Variants in INPP5K observed in about 807,000 individuals in gnomAD.
INPP5K encodes the protein inositol polyphosphate-5-phosphatase K, also known as inositol polyphosphate 5-phosphatase K.
A neutral mutation model predicts 53.5 loss-of-function variants in INPP5K; 35 were observed. That is an observed-to-expected ratio of 0.65 (90% confidence interval 0.50 to 0.87). The LOEUF (loss-of-function observed/expected upper bound fraction) is 0.87. Ranked by LOEUF, INPP5K falls within the 40% of genes least tolerant of loss-of-function variation. The pLI is 0.00. For synonymous variants in INPP5K, 253 were observed against 232.8 expected (o/e 1.09, Z -0.79); for missense variants, 550 against 586.2 (o/e 0.94, Z 0.64).
rs113429915 is a variant in INPP5K at position 1,507,798 on chromosome 17, G to A, written c.666+317C>T. On this transcript the variant is annotated intron_variant, in intron 6 of 11. Transcript: ENST00000421807. ...GACCTCAGGTGATCCACCCACCTCG[G>A]CCTCCCAGAGTGCTGGAATTACAGG... is the stretch of plus-strand genomic sequence containing the variant. 1,333 of 203,332 alleles carry A rather than the reference G, an allele frequency of 6.6e-3. 18 individuals are homozygous for A. The highest frequency in any genetic ancestry group is 0.029 in the African/African-American group (1,221 of 42,794). The allele number at this position is 203,332 out of a possible 1,614,324, so 12.6% of individuals were successfully genotyped here. A position where few individuals can be genotyped will look rare whatever the true frequency, so the allele number is the denominator to read the frequency against.
Position 1,497,068 on chromosome 17 carries a change from G to A in INPP5K, c.964-265C>T, listed in dbSNP as rs574536524. Among the ~76,000 whole-genome samples the A allele has an allele frequency of 1.6e-4, 25 of 152,348 alleles. No individual in the cohort carries two copies. In the East Asian group the frequency reaches 3.9e-3, roughly 23 times the overall value. On this transcript the variant is annotated intron_variant, in intron 8 of 11. Transcript: ENST00000421807. ...TAGGAATGGCGGAGAGCAGAGGCAC[G>A]GCTGAGAGGCTTAAGGAGGCGGCCA...
chr17:1,508,084 C>T (rs910842982), intron 6 of INPP5K, 31 bp downstream of exon 6: 28 of 1,479,610 alleles, frequency 1.9e-5, no homozygotes, highest in Non-Finnish European at 2.6e-5. Context: ...GGGCTCAGAT[C>T]ACCCCCTGGG....
Position 1,509,805 on chromosome 17 carries a change from G to A in INPP5K, c.262-6C>T, listed in dbSNP as rs2075264666. 6.4e-7 allele frequency: 1 copy of A among 1,569,354 alleles called. No individual in the cohort carries two copies. Among genetic ancestry groups the A allele is most frequent in the African/African-American group, 1.4e-5 (1 of 73,808 alleles). On this transcript the variant is annotated splice_region_variant and splice_polypyrimidine_tract_variant and intron_variant, in intron 3 of 11. Coordinates refer to ENST00000421807, the MANE Select transcript of INPP5K (RefSeq NM_016532.4). ...TGCATACGGACATGGGAGACCTGCA[G>A]GAGAGAGAGGGCAAAGGTCGCTCAT...
At chr17:1,507,914 G>C (rs2075201554) in intron 6 of INPP5K, among the ~76,000 whole-genome samples, 1 of 151,708 alleles carries the variant, frequency 6.6e-6, no homozygotes, top group Non-Finnish European at 1.5e-5. Flanking sequence ...GCACATCCAG[G>C]GTCTGTTACC....
At chr17:1,513,810 T>C in intron 2 of INPP5K, 62 bp downstream of exon 2, 1 of 1,307,730 alleles carries the variant, frequency 7.6e-7, no homozygotes, top group South Asian at 1.3e-5. Context: ...CAGGTCACAG[T>C]GCTTCCCACA....
rs141143176 is a variant in INPP5K, at chr17:1,513,501, C to T, written c.213G>A (p.Ser71=). ...SLLSDAAFND[S]WSSFLMDVLS... ...GCACATCCATGAGGAAACTGCTCCA[C>T]GAGTCATTAAAGGCAGCATCGGAAA... Residue 71 remains serine, a synonymous_variant, in exon 3 of 12, where the codon TCG becomes TCA. Transcript: ENST00000421807. 1.8e-3 allele frequency: 2,896 copies of T among 1,614,042 alleles called. 7 individuals carry two copies. Among genetic ancestry groups the T allele is most frequent in the Non-Finnish European group, 2.3e-3 (2,764 of 1,180,018 alleles).
intron 3 of INPP5K, among the ~76,000 whole-genome samples, chr17:1,512,756 C>T (rs1204584633): frequency 6.6e-6 from 1 of 152,130 alleles, no homozygotes; most frequent in Admixed American, 6.5e-5. Flanking sequence ...AAGTACCCAC[C>T]ACACCTGACT....
chr17:1,513,069 TAAC>T (rs774730667), intron 3 of INPP5K, among the ~76,000 whole-genome samples: 3 of 152,172 alleles, frequency 2.0e-5, no homozygotes, highest in African/African-American at 4.8e-5. Context: ...TTATGATGTG[TAAC>T]AACAAGTAAG....
intron 4 of INPP5K, 32 bp from the exon 5 acceptor site, chr17:1,509,385 G>A (rs751478397): frequency 1.3e-6 from 2 of 1,596,872 alleles, no homozygotes; most frequent in Admixed American, 3.4e-5. Flanking sequence ...AGAGTGGGAA[G>A]CTACTCGGGT....
chr17:1,502,158 G>C (rs993578378), intron 7 of INPP5K, among the ~76,000 whole-genome samples: 1 of 151,662 alleles, frequency 6.6e-6, no homozygotes, highest in East Asian at 1.9e-4. Flanking sequence ...GACCATCCTG[G>C]CTAACATGGT....
chr17:1,508,582 A>G, intron 5 of INPP5K: 2 of 309,386 alleles, frequency 6.5e-6, no homozygotes, highest in South Asian at 3.2e-5. Context: ...AGCAAGACAG[A>G]CGGGCTGGAG....
intron 7 of INPP5K, among the ~76,000 whole-genome samples, chr17:1,501,917 C>CA (rs2075025217): frequency 6.6e-6 from 1 of 151,614 alleles, no homozygotes; most frequent in Non-Finnish European, 1.5e-5. Context: ...TGCCTGTAAC[C>CA]CCAGCTACTC....
At chr17:1,502,163 C>T (rs1006399771) in intron 7 of INPP5K, among the ~76,000 whole-genome samples, 5 of 151,794 alleles carry the variant, frequency 3.3e-5, no homozygotes, top group African/African-American at 9.7e-5. Flanking sequence ...TCCTGGCTAA[C>T]ATGGTGAAAC....
At chr17:1,508,086 C>T (rs764256868) in intron 6 of INPP5K, 29 bp downstream of exon 6, 2 of 1,497,122 alleles carry the variant, frequency 1.3e-6, no homozygotes, top group Non-Finnish European at 1.9e-6. Context: ...GCTCAGATCA[C>T]CCCCTGGGAC....
chr17:1,515,872 C>A lies in INPP5K; in HGVS notation c.44+584G>T, dbSNP rs367991184. On this transcript the variant is annotated intron_variant, in intron 1 of 11. Transcript: ENST00000421807. Reference sequence around the variant, plus strand: ...ACAAAGACCTTTTACTCAGAGACTTCTTTTCCCAGACTCACTCTAAGAGGA... The same window carrying A: ...ACAAAGACCTTTTACTCAGAGACTTATTTTCCCAGACTCACTCTAAGAGGA... 1.6e-5 allele frequency: 16 copies of A among 976,606 alleles called. 1 individual carries two copies. Among genetic ancestry groups the A allele is most frequent in the Middle Eastern group, 5.2e-4 (1 of 1,908 alleles). The allele number at this position is 976,606 out of a possible 1,614,324, so 60.5% of individuals were successfully genotyped here.
rs1039339766 is a variant in INPP5K at position 1,504,190 on chromosome 17, C to T, written c.776+2790G>A. Among the ~76,000 whole-genome samples the T allele has an allele frequency of 7.2e-5, 11 of 152,170 alleles. 1 individual carries two copies. Among genetic ancestry groups the T allele is most frequent in the Admixed American group, 4.6e-4 (7 of 15,272 alleles). ...TCCCAGGGATGGTCCTAAATCAGATCGTCTCTGCTCTCTGGGCAATCACAG... is the reference window on the plus strand; with the variant it reads ...TCCCAGGGATGGTCCTAAATCAGATTGTCTCTGCTCTCTGGGCAATCACAG... On this transcript the variant is annotated intron_variant, in intron 7 of 11. Transcript: ENST00000421807.
At chr17:1,512,101 G>C (rs750458461) in intron 3 of INPP5K, among the ~76,000 whole-genome samples, 1 of 152,178 alleles carries the variant, frequency 6.6e-6, no homozygotes, top group Non-Finnish European at 1.5e-5. Context: ...CTGATTCTTG[G>C]CTGGGGAAAG....
intron 3 of INPP5K, among the ~76,000 whole-genome samples, chr17:1,512,836 A>G (rs1170708380): frequency 6.6e-6 from 1 of 152,146 alleles, no homozygotes; most frequent in Non-Finnish European, 1.5e-5. Context: ...ATACCCTATG[A>G]CACCAGCAGG....
chr17:1,501,532 G>A (rs989523341), intron 7 of INPP5K, among the ~76,000 whole-genome samples: 11 of 152,220 alleles, frequency 7.2e-5, no homozygotes, highest in Admixed American at 2.0e-4. Context: ...ATTAAAGGGC[G>A]TCAAGGGGGT....
Sources: allele counts gnomAD v4.1 joint callset (sites outside exome capture counted in the v4.1 genomes callset), GRCh38; gene constraint gnomAD v4.1.1; transcripts MANE v1.5; gene names NCBI Gene and HGNC (gene_info 2026-07-23, HGNC 2026-07-21).